Variants in UMAD1 observed in about 807,000 individuals in gnomAD.
UMAD1 encodes UBAP1-MVB12-associated (UMA) domain containing 1.
In UMAD1, 8 loss-of-function variants were observed where a neutral mutation model predicts 6.1. The ratio of observed to expected loss-of-function variants is 1.30; its 90% confidence interval spans 0.76 to 2.35. UMAD1 has a LOEUF of 2.35. Ranked by LOEUF, UMAD1 falls within the 30% of genes most tolerant of loss-of-function variation. The probability of loss-of-function intolerance (pLI) is 0.00; values close to 1 mark genes in which losing one functional copy is unlikely to be tolerated. For synonymous variants in UMAD1, 56 were observed against 31.4 expected, an observed-to-expected ratio of 1.78 and a Z score of -2.61; for missense variants, 130 against 78.4, an observed-to-expected ratio of 1.66 and a Z score of -2.49.
At chr7:7,661,611 GT>G (rs898950558) in intron 1 of UMAD1, among the ~76,000 whole-genome samples, 8 of 152,148 alleles carry the variant, frequency 5.3e-5, no homozygotes, top group African/African-American at 1.9e-4. Context: ...TCGAGACCCT[GT>G]TTGCCTAGGG....
At chr7:7,762,943 G>C (rs1490142544) in intron 2 of UMAD1, among the ~76,000 whole-genome samples, 1 of 151,758 alleles carries the variant, frequency 6.6e-6, no homozygotes, top group East Asian at 1.9e-4. Context: ...CTTTTAAGCC[G>C]GCACTCTTAA....
At chr7:7,703,448 A>G (rs914739629) in intron 2 of UMAD1, among the ~76,000 whole-genome samples, 34 of 152,236 alleles carry the variant, frequency 2.2e-4, no homozygotes, top group African/African-American at 8.0e-4. Flanking sequence ...TATTTATTAA[A>G]TAAAAAGAAA....
At chr7:7,755,071 C>G (rs1256798424) in intron 2 of UMAD1, among the ~76,000 whole-genome samples, 1 of 152,154 alleles carries the variant, frequency 6.6e-6, no homozygotes, top group East Asian at 1.9e-4. Flanking sequence ...GGCTTCAAAT[C>G]TATCTCAAAA....
At chr7:7,859,262 A>G (rs962996905) in intron 3 of UMAD1, among the ~76,000 whole-genome samples, 5 of 152,218 alleles carry the variant, frequency 3.3e-5, no homozygotes, top group Admixed American at 1.3e-4. Context: ...CTTAATAATT[A>G]TAAAGATTAT....
intron 2 of UMAD1, among the ~76,000 whole-genome samples, chr7:7,682,416 A>G (rs533895557): frequency 6.6e-6 from 1 of 152,068 alleles, no homozygotes; most frequent in Non-Finnish European, 1.5e-5. Flanking sequence ...ACATATACAT[A>G]CTTCATTTAA....
intron 3 of UMAD1, among the ~76,000 whole-genome samples, chr7:7,856,579 C>T (rs959576916): frequency 3.3e-5 from 5 of 152,100 alleles, no homozygotes; most frequent in Admixed American, 6.5e-5. Context: ...ACCGCCAAAC[C>T]GTATCATTGG....
At position 7,877,548 on chromosome 7, in the gene UMAD1, C is replaced by A. The variant is rs1224936928; in HGVS notation, c.*10C>A. 4 of 715,936 alleles carry A rather than the reference C, an allele frequency of 5.6e-6. No individual in the cohort carries two copies. The South Asian group carries it at 5.9e-5, about 11-fold the overall frequency. 44.3% of individuals were successfully genotyped at this position (715,936 alleles called of 1,614,324 possible). A position where few individuals can be genotyped will look rare whatever the true frequency, so the allele number is the denominator to read the frequency against. ...GCTCTGTGATTCATAACCTTTATGT[C>A]TGTTTGCACCTTAACAGCTTTAAAA... On this transcript the variant is annotated 3_prime_UTR_variant, in exon 4 of 4. Coordinates refer to ENST00000682710, the MANE Select transcript of UMAD1 (RefSeq NM_001302348.2).
At chr7:7,838,097 G>A (rs1783605294) in intron 3 of UMAD1, among the ~76,000 whole-genome samples, 1 of 152,144 alleles carries the variant, frequency 6.6e-6, no homozygotes, top group Admixed American at 6.5e-5. Flanking sequence ...TTGGAGGTTG[G>A]AATCTACTTC....
intron 2 of UMAD1, among the ~76,000 whole-genome samples, chr7:7,737,573 C>T (rs949593524): frequency 4.6e-5 from 7 of 152,146 alleles, no homozygotes; most frequent in Admixed American, 1.3e-4. Context: ...CTGGGAAAAA[C>T]TCAGTATTAT....
At chr7:7,733,161 C>A (rs572153813) in intron 2 of UMAD1, among the ~76,000 whole-genome samples, 114 of 152,218 alleles carry the variant, frequency 7.5e-4, no homozygotes, top group African/African-American at 2.5e-3. Context: ...ACACGATACC[C>A]AGTTGGTATG....
intron 3 of UMAD1, 143 bp from the exon 4 acceptor site, chr7:7,877,133 CTAAAG>C (rs546341773): frequency 5.0e-6 from 3 of 598,470 alleles, no homozygotes; most frequent in South Asian, 2.0e-5. Flanking sequence ...GAATGTAATT[CTAAAG>C]TAAAGTAAAG....
chr7:7,802,614 A>T (rs1231941217), intron 3 of UMAD1, among the ~76,000 whole-genome samples: 1 of 152,212 alleles, frequency 6.6e-6, no homozygotes, highest in Non-Finnish European at 1.5e-5. Flanking sequence ...CTTAAGGGGA[A>T]TGTTAAGTAC....
At chr7:7,866,539 T>G (rs1433520625) in intron 3 of UMAD1, among the ~76,000 whole-genome samples, 1 of 152,196 alleles carries the variant, frequency 6.6e-6, no homozygotes, top group African/African-American at 2.4e-5. Context: ...GTTTAAGTAA[T>G]TCAATGAGCC....
chr7:7,812,799 A>ACC (rs539334625), intron 3 of UMAD1, among the ~76,000 whole-genome samples: 1 of 66,402 alleles, frequency 1.5e-5, no homozygotes, highest in Non-Finnish European at 2.9e-5. Flanking sequence ...TCACACAGCC[A>ACC]TCTTTTTTTT....
chr7:7,680,229 G>A (rs1779875011), intron 2 of UMAD1, among the ~76,000 whole-genome samples: 2 of 152,104 alleles, frequency 1.3e-5, no homozygotes, highest in South Asian at 4.1e-4. Flanking sequence ...TGTGGCGAGA[G>A]ATAGGGGTCT....
intron 3 of UMAD1, among the ~76,000 whole-genome samples, chr7:7,834,016 CT>C (rs4034895): frequency 0.11 from 11,411 of 107,810 alleles, 146 homozygotes; most frequent in African/African-American, 0.14. Context: ...TTTTTCTTTT[CT>C]TTTTTTTTTT....
chr7:7,701,681 A>G (rs1780467025), intron 2 of UMAD1, among the ~76,000 whole-genome samples: 1 of 152,192 alleles, frequency 6.6e-6, no homozygotes, highest in Non-Finnish European at 1.5e-5. Flanking sequence ...GATTAGGATG[A>G]TTAAGAGAAT....
chr7:7,660,213 C>G (rs1785439709), intron 1 of UMAD1, among the ~76,000 whole-genome samples: 1 of 152,166 alleles, frequency 6.6e-6, no homozygotes, highest in Non-Finnish European at 1.5e-5. Context: ...TGAGATGGGT[C>G]TCCTGAATAC....
intron 2 of UMAD1, among the ~76,000 whole-genome samples, chr7:7,764,775 G>T (rs1166731378): frequency 6.6e-6 from 1 of 152,190 alleles, no homozygotes; most frequent in Non-Finnish European, 1.5e-5. Context: ...CCATTCTTAT[G>T]TCTTGGCAAG....
Sources: allele counts gnomAD v4.1 joint callset (sites outside exome capture counted in the v4.1 genomes callset), GRCh38; gene constraint gnomAD v4.1.1; transcripts MANE v1.5; gene names NCBI Gene and HGNC (gene_info 2026-07-23, HGNC 2026-07-21).